The following ARID2 variants were observed in gnomAD, a reference collection of about 807,000 sequenced individuals.
The protein encoded by ARID2 is AT-rich interaction domain 2, also known as AT-rich interactive domain-containing protein 2.
Under a neutral mutation model 184.6 loss-of-function variants are expected in ARID2, and 32 were observed. That is an observed-to-expected ratio of 0.17 (90% confidence interval 0.13 to 0.23). The LOEUF (loss-of-function observed/expected upper bound fraction) is 0.23, where lower values mean the gene tolerates loss of function less well. ARID2 is among the 10% of genes least tolerant of loss of function. The probability of loss-of-function intolerance (pLI) is 1.00; values close to 1 mark genes in which losing one functional copy is unlikely to be tolerated. For missense variants in ARID2, 1,696 were observed against 2,197.6 expected, an observed-to-expected ratio of 0.77 and a Z score of 4.56; for synonymous variants, 836 against 772.6, an observed-to-expected ratio of 1.08 and a Z score of -1.36.
At chr12:45,811,311 A>AT (rs1487850857) in intron 3 of ARID2, 107 bp from the exon 4 acceptor site, 4 of 1,230,628 alleles carry the variant, frequency 3.3e-6, no homozygotes, top group Non-Finnish European at 2.2e-6. Flanking sequence ...ATTTTTATTA[A>AT]TTTTTTTAGA....
At chr12:45,784,125 G>T (rs1455791131) in intron 3 of ARID2, among the ~76,000 whole-genome samples, 1 of 152,126 alleles carries the variant, frequency 6.6e-6, no homozygotes, top group East Asian at 1.9e-4. Context: ...GAGTAGCTGG[G>T]ACTACAGGTG....
intron 3 of ARID2, among the ~76,000 whole-genome samples, chr12:45,767,406 C>T (rs1272191766): frequency 6.6e-6 from 1 of 150,712 alleles, no homozygotes; most frequent in African/African-American, 2.4e-5. Flanking sequence ...TTTTTTCTTT[C>T]AAGATTCATG....
At chr12:45,836,399 A>C in intron 6 of ARID2, among the ~76,000 whole-genome samples, 190 bp from the exon 7 acceptor site, 1 of 152,100 alleles carries the variant, frequency 6.6e-6, no homozygotes, top group Admixed American at 6.5e-5. Context: ...TCTAGTTTGT[A>C]GAGATGGGGT....
intron 15 of ARID2, among the ~76,000 whole-genome samples, chr12:45,858,760 A>G: frequency 6.6e-6 from 1 of 152,230 alleles, no homozygotes; most frequent in East Asian, 1.9e-4. Context: ...AGTAAAAATC[A>G]GATTGAAAGT....
chr12:45,759,174 A>G (rs1452134241), intron 3 of ARID2, among the ~76,000 whole-genome samples: 2 of 152,170 alleles, frequency 1.3e-5, no homozygotes, highest in Non-Finnish European at 2.9e-5. Flanking sequence ...CTTTTTAAGT[A>G]TATTGTATTC....
Position 45,816,805 on chromosome 12 carries a change from A to G in ARID2, c.419-865A>G, listed in dbSNP as rs144514663. ...AAGAAACCAGACAACAAAAGACTAT[A>G]TTGTGTGATTCCACTTATTTGGCAT... On this transcript the variant is annotated intron_variant, in intron 4 of 20. Transcript: ENST00000334344. Among the ~76,000 whole-genome samples the G allele has an allele frequency of 3.7e-4, 56 of 152,322 alleles. 1 individual carries two copies. In the East Asian group the frequency reaches 7.7e-3, roughly 21 times the overall value.
intron 16 of ARID2, among the ~76,000 whole-genome samples, chr12:45,867,742 C>CAA (rs1025705649): frequency 1.0e-5 from 1 of 95,640 alleles, no homozygotes; most frequent in Non-Finnish European, 2.2e-5. Flanking sequence ...GACTCCATCT[C>CAA]AAAAAAAAAA....
chr12:45,776,005 A>G (rs1592069022), intron 3 of ARID2: 2 of 166,630 alleles, frequency 1.2e-5, no homozygotes, highest in South Asian at 4.1e-4. Context: ...GTTAGGCAAG[A>G]GAGTATTTGC....
chr12:45,756,214 A>G (rs552318748), intron 3 of ARID2, among the ~76,000 whole-genome samples: 66 of 152,210 alleles, frequency 4.3e-4, no homozygotes, highest in Non-Finnish European at 8.5e-4. Context: ...CCTAGAATAC[A>G]TTTTCTAACT....
chr12:45,824,316 A>G (rs1194757797), intron 6 of ARID2, among the ~76,000 whole-genome samples: 1 of 152,136 alleles, frequency 6.6e-6, no homozygotes, highest in African/African-American at 2.4e-5. Flanking sequence ...TGAGATAATC[A>G]TCATACCAAA....
chr12:45,800,465 TGATATTAGA>T (rs1347299097), intron 3 of ARID2, among the ~76,000 whole-genome samples: 2 of 152,078 alleles, frequency 1.3e-5, no homozygotes, highest in Non-Finnish European at 2.9e-5. Context: ...GATGTTGAAT[TGATATTAGA>T]GATGTTGCTA....
chr12:45,901,998 C>T (rs1944466771), intron 20 of ARID2, among the ~76,000 whole-genome samples: 1 of 152,174 alleles, frequency 6.6e-6, no homozygotes, highest in South Asian at 2.1e-4. Context: ...TTCTTTTACC[C>T]TTCGTACTGT....
At chr12:45,745,607 G>A (rs1328607945) in intron 3 of ARID2, among the ~76,000 whole-genome samples, 1 of 152,134 alleles carries the variant, frequency 6.6e-6, no homozygotes, top group Non-Finnish European at 1.5e-5. Context: ...GAATGCAGTG[G>A]CGCAATCTCG....
chr12:45,808,298 CA>C (rs1565603981), intron 3 of ARID2, among the ~76,000 whole-genome samples: 1 of 152,170 alleles, frequency 6.6e-6, no homozygotes, highest in Non-Finnish European at 1.5e-5. Context: ...AAAAACCAAA[CA>C]AACTGACCTT....
intron 3 of ARID2, among the ~76,000 whole-genome samples, chr12:45,781,232 C>G (rs1429677864): frequency 6.7e-6 from 1 of 149,464 alleles, no homozygotes; most frequent in Admixed American, 6.7e-5. Context: ...CACTGTCAAT[C>G]TGTTGCAATC....
At chr12:45,806,220 G>A (rs1007103424) in intron 3 of ARID2, among the ~76,000 whole-genome samples, 9 of 151,680 alleles carry the variant, frequency 5.9e-5, no homozygotes, top group Middle Eastern at 3.2e-3. Context: ...TTTTTTGGTG[G>A]GGGCGAGATG....
chr12:45,768,680 T>A (rs1421370151), intron 3 of ARID2, among the ~76,000 whole-genome samples: 1 of 152,088 alleles, frequency 6.6e-6, no homozygotes, highest in African/African-American at 2.4e-5. Flanking sequence ...GTAGAAGGGC[T>A]AGTTTGCTGG....
chr12:45,812,662 A>G (rs1268566631), intron 4 of ARID2, among the ~76,000 whole-genome samples: 1 of 152,208 alleles, frequency 6.6e-6, no homozygotes, highest in East Asian at 1.9e-4. Context: ...GTTTATGCTG[A>G]TAAGATAAAA....
intron 20 of ARID2, among the ~76,000 whole-genome samples, chr12:45,895,707 G>A (rs537822036): frequency 7.9e-5 from 12 of 152,182 alleles, no homozygotes; most frequent in African/African-American, 2.6e-4. Context: ...GCTAATTTTT[G>A]TATTTTTAGT....
Sources: gnomAD v4.1 joint callset for allele counts (sites outside exome capture counted in the v4.1 genomes callset) on GRCh38, gnomAD v4.1.1 for gene constraint, MANE v1.5 for transcripts, NCBI Gene and HGNC (gene_info 2026-07-23, HGNC 2026-07-21) for gene names.